ATRX: variants seen among roughly 807,000 people sequenced by gnomAD.
The protein encoded by ATRX is chromatin remodeler ATRX.
ATRX carries 12 observed loss-of-function variants against 172.6 expected under a neutral mutation model. The ratio of observed to expected loss-of-function variants is 0.07; its 90% confidence interval spans 0.04 to 0.11. The LOEUF (loss-of-function observed/expected upper bound fraction) is 0.11. Among genes scored for constraint, ATRX ranks in the 10% least tolerant of loss-of-function variants. The probability of loss-of-function intolerance (pLI) is 1.00; values close to 1 mark genes in which losing one functional copy is unlikely to be tolerated. For missense variants in ATRX, 1,368 were observed against 1,767.4 expected (o/e 0.77, Z 4.05); for synonymous variants, 674 against 594.7 (o/e 1.13, Z -1.94).
At chrX:77,758,757 CA>C (rs35836652) in intron 1 of ATRX, among the ~76,000 whole-genome samples, 1,668 of 96,869 alleles carry the variant, frequency 0.017, 28 homozygotes, top group African/African-American at 0.059. Flanking sequence ...GATTCCATCT[CA>C]AAAAAAAAAA....
intron 30 of ATRX, among the ~76,000 whole-genome samples, chrX:77,532,786 G>T (rs782473797): frequency 8.9e-6 from 1 of 111,954 alleles, no homozygotes; most frequent in East Asian, 2.8e-4. Flanking sequence ...AGCCAAAATT[G>T]ACAAATGGGA....
At position 77,684,844 on chromosome X, in the gene ATRX, G is replaced by A. The variant is rs2071464057; in HGVS notation, c.662+95C>T. ...ACAACCTTTCATTAAAGACATCAAT[G>A]ACGATACTATGAAAGACAAACCTCA... On this transcript the variant is annotated intron_variant, in intron 8 of 34. Coordinates refer to ENST00000373344, the MANE Select transcript of ATRX (RefSeq NM_000489.6). 6 of 850,384 alleles carry A rather than the reference G, an allele frequency of 7.1e-6. No individual in the cohort carries two copies. The Admixed American group carries it at 1.1e-4, about 16-fold the overall frequency. The allele number at this position is 850,384 out of a possible 1,213,427, so 70.1% of individuals were successfully genotyped here.
intron 2 of ATRX, among the ~76,000 whole-genome samples, chrX:77,705,132 G>A (rs2072745595): frequency 9.0e-6 from 1 of 111,404 alleles, no homozygotes; most frequent in African/African-American, 3.3e-5. Context: ...TGGAGCAGAA[G>A]GCAAGGTTCT....
At chrX:77,681,054 G>A (rs2071158411) in intron 9 of ATRX, among the ~76,000 whole-genome samples, 1 of 111,145 alleles carries the variant, frequency 9.0e-6, no homozygotes, top group Admixed American at 9.6e-5. Context: ...TTTTAATGAG[G>A]TAAATTAAAA....
intron 22 of ATRX, among the ~76,000 whole-genome samples, chrX:77,613,610 T>A (rs1470416915): frequency 8.9e-6 from 1 of 112,338 alleles, no homozygotes; most frequent in Non-Finnish European, 1.9e-5. Context: ...TATATGCAGG[T>A]TCTGCGGGAT....
At position 77,634,693 on chromosome X, in the gene ATRX, A is replaced by G. The variant is rs781829081; in HGVS notation, c.4710T>C (p.Phe1570=). 13 of 1,205,456 alleles carry G rather than the reference A, an allele frequency of 1.1e-5. No individual in the cohort carries two copies. The East Asian group carries it at 3.9e-4, about 36-fold the overall frequency. ...CAGACTCACAGCAGCAATCCCACAT[A>G]AACTGAACACCTAAAAATAACAGCT... ...LKPHQVDGVQ[F]MWDCCCESVK... The change falls in exon 17 of 35, where the codon TTT becomes TTC. Residue 1570 remains phenylalanine (F), a synonymous_variant. Transcript: ENST00000373344.
intron 27 of ATRX, among the ~76,000 whole-genome samples, chrX:77,583,971 A>G (rs1557075473): frequency 8.9e-6 from 1 of 112,356 alleles, no homozygotes; most frequent in East Asian, 2.8e-4. Flanking sequence ...CAACATACAC[A>G]AATCAGTAGC....
At chrX:77,509,626 A>G (rs2062798941) in intron 34 of ATRX, among the ~76,000 whole-genome samples, 1 of 110,889 alleles carries the variant, frequency 9.0e-6, no homozygotes, top group Non-Finnish European at 1.9e-5. Context: ...TGCTTGCAGG[A>G]AAAGAGTACA....
At chrX:77,596,503 T>C (rs2066472834) in intron 25 of ATRX, 1 of 111,156 alleles carries the variant, frequency 9.0e-6, no homozygotes, top group African/African-American at 3.3e-5. Flanking sequence ...GTATATAAGC[T>C]ACAAAAATAT....
chrX:77,669,899 C>T (rs781985439), intron 10 of ATRX, among the ~76,000 whole-genome samples: 4 of 109,453 alleles, frequency 3.7e-5, no homozygotes, highest in Non-Finnish European at 7.6e-5. Flanking sequence ...GGTATCACTA[C>T]GTTGCCCAGG....
intron 1 of ATRX, among the ~76,000 whole-genome samples, chrX:77,765,271 TTAA>T (rs1347080192): frequency 1.8e-5 from 2 of 112,019 alleles, no homozygotes; most frequent in African/African-American, 6.5e-5. Context: ...CATAATGATT[TTAA>T]ATAGCAAGGA....
intron 22 of ATRX, among the ~76,000 whole-genome samples, chrX:77,607,679 C>T (rs1018187049): frequency 1.1e-5 from 1 of 94,620 alleles, no homozygotes; most frequent in Non-Finnish European, 2.1e-5. Flanking sequence ...CACCACTGCA[C>T]CCCAGCCTGG....
intron 7 of ATRX, among the ~76,000 whole-genome samples, chrX:77,686,749 C>T (rs1172617627): frequency 9.0e-6 from 1 of 110,666 alleles, no homozygotes; most frequent in Non-Finnish European, 1.9e-5. Flanking sequence ...AACACTGCTA[C>T]CCACTACCCA....
chrX:77,672,347 C>A (rs981180549), intron 10 of ATRX, among the ~76,000 whole-genome samples: 1 of 110,695 alleles, frequency 9.0e-6, no homozygotes, highest in Non-Finnish European at 1.9e-5. Flanking sequence ...GAACATCAAA[C>A]GATTAAGGGA....
At chrX:77,726,815 T>C (rs2074062984) in intron 1 of ATRX, among the ~76,000 whole-genome samples, 1 of 105,840 alleles carries the variant, frequency 9.4e-6, no homozygotes, top group Admixed American at 1.0e-4. Context: ...CAGTTTTAAA[T>C]CCTAATGTCA....
intron 12 of ATRX, among the ~76,000 whole-genome samples, chrX:77,658,668 C>G (rs1428605095): frequency 8.9e-6 from 1 of 111,973 alleles, no homozygotes; most frequent in Non-Finnish European, 1.9e-5. Flanking sequence ...TATGTGAAAA[C>G]AGTAAATTAA....
intron 34 of ATRX, among the ~76,000 whole-genome samples, chrX:77,509,955 G>T (rs1448329316): frequency 9.3e-6 from 1 of 107,731 alleles, no homozygotes. Context: ...AGCCAGGGTG[G>T]CCAGGAGATT....
At chrX:77,701,556 G>C (rs782650976) in intron 2 of ATRX, among the ~76,000 whole-genome samples, 1 of 109,904 alleles carries the variant, frequency 9.1e-6, no homozygotes, top group Admixed American at 9.7e-5. Flanking sequence ...AAGGAAGAAA[G>C]GAAATTTTAA....
chrX:77,748,073 TTAAC>T (rs2075154012), intron 1 of ATRX, among the ~76,000 whole-genome samples: 1 of 111,914 alleles, frequency 8.9e-6, no homozygotes, highest in Non-Finnish European at 1.9e-5. Context: ...TCCCAGTGCT[TTAAC>T]TAAACCCATC....
Sources: gnomAD v4.1 joint callset for allele counts (sites outside exome capture counted in the v4.1 genomes callset) on GRCh38, gnomAD v4.1.1 for gene constraint, MANE v1.5 for transcripts, NCBI Gene and HGNC (gene_info 2026-07-23, HGNC 2026-07-21) for gene names.